Variants in KDM2B observed in about 807,000 individuals in gnomAD.
KDM2B encodes the protein lysine demethylase 2B, also known as lysine-specific demethylase 2B.
In KDM2B, 26 loss-of-function variants were observed where a neutral mutation model predicts 150.0. The observed-to-expected ratio is 0.17, with a 90% CI of 0.13 to 0.24. KDM2B has a LOEUF of 0.24. KDM2B is among the 10% of genes least tolerant of loss of function. The pLI is 1.00. For synonymous variants in KDM2B, 734 were observed against 729.5 expected (o/e 1.01, Z -0.10); for missense variants, 1,265 against 1,816.9 (o/e 0.70, Z 5.52).
At chr12:121,476,641 T>C (rs1881418474) in intron 12 of KDM2B, among the ~76,000 whole-genome samples, 1 of 152,178 alleles carries the variant, frequency 6.6e-6, no homozygotes, top group South Asian at 2.1e-4. Flanking sequence ...ACCTCTTAAA[T>C]GAGCTGCTAA....
intron 8 of KDM2B, among the ~76,000 whole-genome samples, chr12:121,527,477 C>A (rs1555307017): frequency 6.7e-6 from 1 of 149,142 alleles, no homozygotes; most frequent in East Asian, 2.0e-4. Flanking sequence ...ACGGTGAAAC[C>A]CCGTCTCTAC....
At chr12:121,556,034 C>T (rs1198823787) in intron 4 of KDM2B, among the ~76,000 whole-genome samples, 1 of 152,028 alleles carries the variant, frequency 6.6e-6, no homozygotes, top group African/African-American at 2.4e-5. Context: ...TCAAGAGATC[C>T]TCCTGCCTCA....
intron 11 of KDM2B, among the ~76,000 whole-genome samples, chr12:121,505,116 C>CAAA (rs781886793): frequency 6.3e-5 from 5 of 79,528 alleles, no homozygotes; most frequent in African/African-American, 2.0e-4. Context: ...GACTCTGTCT[C>CAAA]AAAAAAAAAA....
At chr12:121,555,186 T>A (rs1178695987) in intron 4 of KDM2B, among the ~76,000 whole-genome samples, 6 of 151,584 alleles carry the variant, frequency 4.0e-5, no homozygotes, top group African/African-American at 1.2e-4. Flanking sequence ...AAATAAAAAA[T>A]TTTAAAAAAC....
At position 121,443,768 on chromosome 12, in the gene KDM2B, C is replaced by T. The variant is rs782177120; in HGVS notation, c.2477G>A (p.Gly826Asp). Residue 826 changes from glycine to aspartate, a missense_variant, in exon 17 of 23, where the codon GGT becomes GAT. Transcript: ENST00000377071. ...KRASSLQTSPGSSSHLSPRPP... is the reference protein window; with the variant it reads ...KRASSLQTSPDSSSHLSPRPP... ...CCTCGGCGAGAGGTGAGAGGAGGAACCGGGGGACGTTTGAAGCGATGAGGC... is the reference window on the plus strand; with the variant it reads ...CCTCGGCGAGAGGTGAGAGGAGGAATCGGGGGACGTTTGAAGCGATGAGGC... 6 of 1,607,576 alleles carry T rather than the reference C, an allele frequency of 3.7e-6. No homozygotes were observed. In the Middle Eastern group the frequency reaches 6.7e-4, roughly 179 times the overall value.
At chr12:121,426,620 AT>A (rs34070273), downstream of KDM2B, among the ~76,000 whole-genome samples, 39,964 of 113,396 alleles carry the variant, frequency 0.35, 6,618 homozygotes, top group East Asian at 0.57. Flanking sequence ...ATTTTAAACA[AT>A]TTTTTTTTTT....
chr12:121,437,887 AT>A lies in KDM2B; in HGVS notation c.3829+1969del, dbSNP rs200245718. 5.7e-4 allele frequency among the ~76,000 whole-genome samples: 84 copies of A among 147,888 alleles called. 1 individual carries two copies. The highest frequency in any genetic ancestry group is 7.4e-4 in the Admixed American group (11 of 14,844). On this transcript the variant is annotated intron_variant, in intron 22 of 22. Coordinates refer to ENST00000377071, the MANE Select transcript of KDM2B (RefSeq NM_032590.5). Reference sequence around the variant, plus strand: ...AACTGGTTACACCGATGAGAGGGGAATTTTTTTTTTTTTTAAGAAAATCTAG... The same window carrying A: ...AACTGGTTACACCGATGAGAGGGGAATTTTTTTTTTTTTAAGAAAATCTAG...
At chr12:121,479,707 C>T (rs192738828) in intron 12 of KDM2B, among the ~76,000 whole-genome samples, 11 of 151,954 alleles carry the variant, frequency 7.2e-5, no homozygotes, top group Admixed American at 5.9e-4. Flanking sequence ...CTGCAACCTC[C>T]GACTCCCAAG....
chr12:121,479,947 T>C (rs886730886), intron 12 of KDM2B, among the ~76,000 whole-genome samples: 1 of 151,942 alleles, frequency 6.6e-6, no homozygotes, highest in African/African-American at 2.4e-5. Flanking sequence ...AGACAGGGTC[T>C]TGCTGTTCTC....
intron 22 of KDM2B, among the ~76,000 whole-genome samples, chr12:121,438,563 A>G (rs543204298): frequency 1.7e-4 from 26 of 152,236 alleles, no homozygotes; most frequent in South Asian, 6.2e-4. Flanking sequence ...AGAAGCCTCA[A>G]TTCACTCTGG....
intron 8 of KDM2B, among the ~76,000 whole-genome samples, chr12:121,530,003 C>A (rs915916299): frequency 6.6e-6 from 1 of 150,386 alleles, no homozygotes; most frequent in African/African-American, 2.5e-5. Context: ...CCAAGGTGGG[C>A]AGATCATGAG....
At chr12:121,420,264 C>T in the KDM2B span, 1 of 1,605,530 alleles carries the variant, frequency 6.2e-7, no homozygotes, top group African/African-American at 1.3e-5. Flanking sequence ...ATCACTTCAG[C>T]AAACACAGAA....
intron 11 of KDM2B, among the ~76,000 whole-genome samples, chr12:121,509,069 GT>G (rs375978226): frequency 5.9e-5 from 9 of 151,964 alleles, no homozygotes; most frequent in African/African-American, 1.9e-4. Context: ...CAGCTCTTTT[GT>G]TTTTTTGAGA....
chr12:121,419,502 C>CA, the KDM2B span, among the ~76,000 whole-genome samples: 7 of 152,204 alleles, frequency 4.6e-5, no homozygotes, highest in Non-Finnish European at 8.8e-5. Context: ...AGCTGACTTA[C>CA]ATACCCCTTT....
intron 1 of KDM2B, chr12:121,580,407 C>A: frequency 8.7e-7 from 1 of 1,151,056 alleles, no homozygotes; most frequent in Non-Finnish European, 1.1e-6. Context: ...GGGGAGGGAG[C>A]CCGGGAGGCA....
chr12:121,416,511 A>T, the KDM2B span: 2 of 650,868 alleles, frequency 3.1e-6, no homozygotes, highest in Non-Finnish European at 5.3e-6. Context: ...GCCATTTTCC[A>T]TCTAGAAAAA....
At chr12:121,541,609 CTG>C (rs1555309800) in intron 6 of KDM2B, among the ~76,000 whole-genome samples, 1 of 151,402 alleles carries the variant, frequency 6.6e-6, no homozygotes, top group African/African-American at 2.5e-5. Context: ...TTCCTCTTCT[CTG>C]TGTGTCAGGT....
rs1411802066 is a variant in KDM2B at position 121,513,198 on chromosome 12, G to T, written c.1174+78C>A. The T allele has an allele frequency of 1.2e-5, 19 of 1,532,024 alleles. No individual in the cohort carries two copies. The highest frequency in any genetic ancestry group is 1.7e-5 in the Non-Finnish European group (19 of 1,116,292). 94.9% of individuals were successfully genotyped at this position (1,532,024 alleles called of 1,614,324 possible). On this transcript the variant is annotated intron_variant, in intron 10 of 22. Transcript: ENST00000377071. This position sits in a 1 kb window ranked among gnomAD's most constrained non-coding sequence, Gnocchi z 5.0. ...AACGAATCCCCAAAACTCAGGGAGT[G>T]TCTCCAGGCCCCACTGAGAAAATGA...
intron 2 of KDM2B, 107 bp downstream of exon 2, chr12:121,578,695 G>T: frequency 1.8e-6 from 1 of 543,282 alleles, no homozygotes; most frequent in Non-Finnish European, 2.4e-6. Context: ...CGGATCCCCT[G>T]GAATGGGGGA....
Sources: allele counts gnomAD v4.1 joint callset (sites outside exome capture counted in the v4.1 genomes callset), GRCh38; gene constraint gnomAD v4.1.1; non-coding constraint Gnocchi (gnomAD v3.1); transcripts MANE v1.5; gene names NCBI Gene and HGNC (gene_info 2026-07-23, HGNC 2026-07-21).